Variants in HACL1 observed in about 807,000 individuals in gnomAD.
HACL1 encodes the protein 1600020H07Rik.
HACL1 carries 64 observed loss-of-function variants against 74.2 expected under a neutral mutation model. That is an observed-to-expected ratio of 0.86 (90% CI 0.70 to 1.06). HACL1 has a LOEUF of 1.06. Ranked by LOEUF, HACL1 falls within the 50% of genes least tolerant of loss-of-function variation. The probability of loss-of-function intolerance (pLI) is 0.00; values close to 1 mark genes in which losing one functional copy is unlikely to be tolerated. For synonymous variants in HACL1, 230 were observed against 238.8 expected (o/e 0.96, Z 0.34); for missense variants, 728 against 719.7 (o/e 1.01, Z -0.13).
chr3:15,598,825 T>C (rs1208807369), intron 2 of HACL1, among the ~76,000 whole-genome samples: 4 of 152,190 alleles, frequency 2.6e-5, no homozygotes, highest in African/African-American at 7.2e-5. Flanking sequence ...TTGACTACCA[T>C]AGAGTCAGGA....
chr3:15,597,755 T>A (rs1205861904), intron 2 of HACL1, among the ~76,000 whole-genome samples: 1 of 151,732 alleles, frequency 6.6e-6, no homozygotes, highest in Admixed American at 6.6e-5. Flanking sequence ...ACTGGCCCCA[T>A]CTCTCTTTCC....
intron 8 of HACL1, among the ~76,000 whole-genome samples, chr3:15,581,183 T>A (rs890364086): frequency 1.3e-5 from 2 of 152,382 alleles, no homozygotes; most frequent in African/African-American, 4.8e-5. Flanking sequence ...ATTACAGGCG[T>A]GAGCCACCAC....
chr3:15,563,381 GCTCA>G lies in HACL1; in HGVS notation c.1677_1680del (p.Glu560HisfsTer13). 6 of 1,613,160 alleles carry G rather than the reference GCTCA, an allele frequency of 3.7e-6. No individual in the cohort carries two copies. Among genetic ancestry groups the G allele is most frequent in the Non-Finnish European group, 5.1e-6 (6 of 1,179,368 alleles). ...ACCTGGGCCTTCCGTGTGGCTTGTG[GCTCA>G]ATCATGATGTTGATAAGAGAAGGTT... On this transcript the variant is annotated frameshift_variant, in exon 16 of 17. Transcript: ENST00000321169. LOFTEE classifies it high-confidence loss of function.
chr3:15,586,725 G>A (rs2063801570), intron 5 of HACL1, 123 bp from the exon 6 acceptor site: 2 of 609,560 alleles, frequency 3.3e-6, no homozygotes, highest in Admixed American at 3.0e-5. Flanking sequence ...AAAATATATT[G>A]CCTAGACTGT....
Position 15,567,836 on chromosome 3 carries a change from T to G in HACL1, c.1409+8A>C. The G allele has an allele frequency of 6.2e-7, 1 of 1,610,896 alleles. No homozygotes were observed. Among genetic ancestry groups the G allele is most frequent in the South Asian group, 1.1e-5 (1 of 91,024 alleles). On this transcript the variant is annotated splice_region_variant and intron_variant, in intron 14 of 16. Coordinates refer to ENST00000321169, the MANE Select transcript of HACL1 (RefSeq NM_012260.4). ...AATCAAATGCTCTGATTCAGGATGA[T>G]GTTTTACCTGCAGATGGTTTCTACC...
intron 15 of HACL1, among the ~76,000 whole-genome samples, chr3:15,564,031 T>G (rs1212733332): frequency 3.3e-5 from 5 of 152,164 alleles, no homozygotes; most frequent in Non-Finnish European, 7.4e-5. Flanking sequence ...ATAAAGTTAG[T>G]GAGGCATAAA....
intron 3 of HACL1, among the ~76,000 whole-genome samples, chr3:15,594,354 C>A (rs182029242): frequency 1.4e-3 from 215 of 152,126 alleles, no homozygotes; most frequent in Middle Eastern, 3.4e-3. Flanking sequence ...TGCAGTGAGC[C>A]GAGATGGTGC....
In HACL1 at chr3:15,564,941, C is replaced by T. The variant is rs377566549; in HGVS notation, c.1410-283G>A. 9.9e-5 allele frequency among the ~76,000 whole-genome samples: 15 copies of T among 152,100 alleles called. No individual in the cohort carries two copies. The East Asian group carries it at 1.4e-3, about 14-fold the overall frequency. On this transcript the variant is annotated intron_variant, in intron 14 of 16. Transcript: ENST00000321169. ...CAGCACTTTGGGAGGCTGAGGTGGG[C>T]GGATCACAAGGTCAGGAGTTCAAGA...
rs193233277 is a variant in HACL1, at chr3:15,588,648, T to A, written c.381+892A>T. Among the ~76,000 whole-genome samples, 17 of 152,268 alleles carry A rather than the reference T, an allele frequency of 1.1e-4. No individual in the cohort carries two copies. In the East Asian group the frequency reaches 2.9e-3, roughly 26 times the overall value. On this transcript the variant is annotated intron_variant, in intron 5 of 16. Transcript: ENST00000321169. The stretch of plus-strand genomic sequence containing the variant: ...ACAGAGATAAGACCTGAATATGTTG[T>A]ACAGACATATGTTTGGTCTCAAACA...
chr3:15,579,915 T>C lies in HACL1; in HGVS notation c.798A>G (p.Arg266=), dbSNP rs1007505476. The C allele has an allele frequency of 6.3e-7, 1 of 1,585,382 alleles. No individual in the cohort carries two copies. The highest frequency in any genetic ancestry group is 8.6e-7 in the Non-Finnish European group (1 of 1,167,550). ...AAATCTGGAATGCCACACACCTGGA[T>C]CTGGCTGCACCTACACAGTATGGAT... ...DNHPYCVGAA[R]SRALQFADVI... is the part of the protein sequence containing the mutation. Residue 266 remains arginine, a synonymous_variant, in exon 9 of 17, where the codon AGA becomes AGG. Coordinates refer to ENST00000321169, the MANE Select transcript of HACL1 (RefSeq NM_012260.4).
intron 9 of HACL1, among the ~76,000 whole-genome samples, chr3:15,578,923 G>A (rs922600131): frequency 2.6e-5 from 4 of 152,204 alleles, no homozygotes; most frequent in Admixed American, 2.0e-4. Flanking sequence ...AGCCTACAGA[G>A]GAGAGAAAAT....
rs373072463 is a variant in HACL1 at position 15,575,125 on chromosome 3, T to A, written c.804-43A>T. On this transcript the variant is annotated intron_variant, in intron 9 of 16. Coordinates refer to ENST00000321169, the MANE Select transcript of HACL1 (RefSeq NM_012260.4). ...ATGAAAGTATAACTACATTTCTTAT[T>A]TGAATTATTCGAAAATTCATCTCTG... 3 of 1,003,512 alleles carry A rather than the reference T, an allele frequency of 3.0e-6. No individual in the cohort carries two copies. The African/African-American group carries it at 4.8e-5, about 16-fold the overall frequency. The allele number at this position is 1,003,512 out of a possible 1,614,324, so 62.2% of individuals were successfully genotyped here.
At chr3:15,591,004 C>T (rs1378940544) in intron 4 of HACL1, among the ~76,000 whole-genome samples, 9 of 152,200 alleles carry the variant, frequency 5.9e-5, no homozygotes, top group African/African-American at 2.2e-4. Context: ...TCACTTGAAC[C>T]TGGGAGGCAG....
chr3:15,561,444 AAAAT>A (rs147695951), intron 16 of HACL1, among the ~76,000 whole-genome samples: 4,142 of 152,338 alleles, frequency 0.027, 175 homozygotes, highest in African/African-American at 0.093. Flanking sequence ...CACTGGAATG[AAAAT>A]AAATAATTTC....
chr3:15,563,579 A>C, intron 15 of HACL1, 35 bp from the exon 16 acceptor site: 1 of 1,353,436 alleles, frequency 7.4e-7, no homozygotes, highest in Non-Finnish European at 1.0e-6. Context: ...TGAAATTTAA[A>C]TCTTAAACCT....
chr3:15,572,340 T>C, intron 11 of HACL1, among the ~76,000 whole-genome samples: 1 of 151,994 alleles, frequency 6.6e-6, no homozygotes, highest in East Asian at 1.9e-4. Flanking sequence ...TGATAGAAAA[T>C]CAATGGGTAA....
chr3:15,601,401 A>G lies in HACL1; in HGVS notation c.63T>C (p.Ala21=), dbSNP rs1280175364. The stretch of plus-strand genomic sequence containing the variant: ...ATCGTACTTGCGTTTTCAGGGCCTG[A>G]GCGATGACTTTAGCACCAGACACCT... ...EEQVSGAKVI[A]QALKTQDVEY... Residue 21 remains alanine, a synonymous_variant, in exon 1 of 17, where the codon GCT becomes GCC. Transcript: ENST00000321169. 6.2e-7 allele frequency: 1 copy of G among 1,614,096 alleles called. No homozygotes were observed. The highest frequency in any genetic ancestry group is 1.3e-5 in the African/African-American group (1 of 75,048).
chr3:15,587,075 G>A (rs563034831), intron 5 of HACL1, among the ~76,000 whole-genome samples: 65 of 152,120 alleles, frequency 4.3e-4, no homozygotes, highest in African/African-American at 1.4e-3. Flanking sequence ...ATGGTGTTTC[G>A]AATATATGAA....
At chr3:15,592,032 C>T (rs1037433319) in intron 3 of HACL1, among the ~76,000 whole-genome samples, 14 of 132,754 alleles carry the variant, frequency 1.1e-4, no homozygotes, top group Non-Finnish European at 1.9e-4. Flanking sequence ...ACACTACATA[C>T]GTATATATAC....
Sources: gnomAD v4.1 joint callset for allele counts (sites outside exome capture counted in the v4.1 genomes callset) on GRCh38, gnomAD v4.1.1 for gene constraint, MANE v1.5 for transcripts, NCBI Gene and HGNC (gene_info 2026-07-23, HGNC 2026-07-21) for gene names.